PDGFC: variants seen among roughly 807,000 people sequenced by gnomAD.
PDGFC encodes the protein platelet derived growth factor C.
PDGFC carries 12 observed loss-of-function variants against 35.5 expected under a neutral mutation model. The observed-to-expected ratio is 0.34, with a 90% CI of 0.22 to 0.55. PDGFC has a LOEUF of 0.55. PDGFC is among the 20% of genes least tolerant of loss of function. The probability of loss-of-function intolerance (pLI) is 0.91; values close to 1 mark genes in which losing one functional copy is unlikely to be tolerated. For missense variants in PDGFC, 322 were observed against 412.4 expected (o/e 0.78, Z 1.90); for synonymous variants, 159 against 148.8 (o/e 1.07, Z -0.50).
chr4:156,885,143 G>GTATATGTGTGCATGTA (rs1226467304), intron 1 of PDGFC, among the ~76,000 whole-genome samples: 6 of 141,430 alleles, frequency 4.2e-5, no homozygotes, highest in African/African-American at 1.7e-4. Context: ...ACTTGTGCAT[G>GTATATGTGTGCATGTA]TATGTGCATA....
chr4:156,769,591 T>C (rs1298840067), intron 4 of PDGFC, among the ~76,000 whole-genome samples: 3 of 151,960 alleles, frequency 2.0e-5, no homozygotes, highest in Non-Finnish European at 4.4e-5. Flanking sequence ...AGTCATTGTT[T>C]CATTTGGCTA....
chr4:156,784,274 C>T (rs997102744), intron 3 of PDGFC, among the ~76,000 whole-genome samples: 1 of 152,162 alleles, frequency 6.6e-6, no homozygotes, highest in South Asian at 2.1e-4. Context: ...ACTGGATCAA[C>T]CAGCACTGGT....
chr4:156,901,870 C>T (rs1560864821), intron 1 of PDGFC, among the ~76,000 whole-genome samples: 1 of 152,084 alleles, frequency 6.6e-6, no homozygotes, highest in African/African-American at 2.4e-5. Flanking sequence ...CCTCGGCCTC[C>T]CAAAGTTCTG....
intron 1 of PDGFC, among the ~76,000 whole-genome samples, chr4:156,960,099 C>T (rs1284373183): frequency 2.0e-5 from 3 of 151,662 alleles, no homozygotes; most frequent in Non-Finnish European, 4.4e-5. Context: ...AATTAGGTAT[C>T]TCGACTCAGC....
intron 1 of PDGFC, among the ~76,000 whole-genome samples, chr4:156,881,184 A>T (rs1040323943): frequency 2.0e-5 from 3 of 152,206 alleles, no homozygotes; most frequent in African/African-American, 7.2e-5. Context: ...TTGAACAGTC[A>T]GCAGCCATTA....
chr4:156,875,745 C>A lies in PDGFC; in HGVS notation c.119-25329G>T, dbSNP rs367713800. The stretch of plus-strand genomic sequence containing the variant: ...ACAGACTGGCCAACATGGTGAAACC[C>A]CATCTCTAATAAAAATACAAAAATT... On this transcript the variant is annotated intron_variant, in intron 1 of 5. Transcript: ENST00000502773. 7.9e-5 allele frequency among the ~76,000 whole-genome samples: 12 copies of A among 152,144 alleles called. No individual in the cohort carries two copies. In the East Asian group the frequency reaches 1.6e-3, roughly 20 times the overall value.
intron 2 of PDGFC, among the ~76,000 whole-genome samples, chr4:156,839,594 C>T (rs1729149261): frequency 2.0e-5 from 3 of 152,162 alleles, no homozygotes; most frequent in East Asian, 1.9e-4. Flanking sequence ...TGTAAAGATA[C>T]CCAAATATGT....
At chr4:156,878,751 A>C (rs2111164342) in intron 1 of PDGFC, among the ~76,000 whole-genome samples, 1 of 152,224 alleles carries the variant, frequency 6.6e-6, no homozygotes, top group Admixed American at 6.5e-5. Flanking sequence ...GTCTAACATT[A>C]AAAAAACTTC....
intron 3 of PDGFC, chr4:156,774,565 G>A (rs1201225426): frequency 6.6e-6 from 1 of 152,062 alleles, no homozygotes; most frequent in Non-Finnish European, 1.5e-5. Flanking sequence ...GGCTTTGTGG[G>A]TGTCCCGCTG....
intron 1 of PDGFC, among the ~76,000 whole-genome samples, chr4:156,952,988 T>C (rs1172147960): frequency 1.3e-5 from 2 of 151,912 alleles, no homozygotes; most frequent in Non-Finnish European, 2.9e-5. Context: ...TGTCTTTTTA[T>C]GAAAACACCA....
chr4:156,904,431 C>T, intron 1 of PDGFC, among the ~76,000 whole-genome samples: 1 of 151,974 alleles, frequency 6.6e-6, no homozygotes, highest in African/African-American at 2.4e-5. Context: ...AAAATAACAC[C>T]TGGGAAGTGT....
At chr4:156,890,345 G>A (rs1255743976) in intron 1 of PDGFC, among the ~76,000 whole-genome samples, 1 of 152,046 alleles carries the variant, frequency 6.6e-6, no homozygotes, top group East Asian at 1.9e-4. Flanking sequence ...CTGAAAATGA[G>A]GATCCGCCCC....
At chr4:156,775,499 T>C (rs777748137) in intron 3 of PDGFC, among the ~76,000 whole-genome samples, 1 of 152,198 alleles carries the variant, frequency 6.6e-6, no homozygotes, top group Non-Finnish European at 1.5e-5. Context: ...TAGGGTAATT[T>C]CAATTAGACT....
intron 1 of PDGFC, among the ~76,000 whole-genome samples, chr4:156,949,303 AGGG>A (rs1285647198): frequency 7.9e-5 from 12 of 152,060 alleles, no homozygotes; most frequent in Non-Finnish European, 1.5e-4. Context: ...CTTCTGCCTA[AGGG>A]GGTGATCTCC....
chr4:156,777,123 AT>A (rs1460576774), intron 3 of PDGFC, among the ~76,000 whole-genome samples: 1 of 152,006 alleles, frequency 6.6e-6, no homozygotes, highest in Admixed American at 6.6e-5. Context: ...CAACTGTGGG[AT>A]AATTCTACAT....
chr4:156,829,167 T>A (rs1222315315), intron 2 of PDGFC, among the ~76,000 whole-genome samples: 1 of 152,210 alleles, frequency 6.6e-6, no homozygotes, highest in Non-Finnish European at 1.5e-5. Flanking sequence ...TATGATCTAC[T>A]AAGATCATCA....
intron 2 of PDGFC, among the ~76,000 whole-genome samples, chr4:156,825,590 T>G (rs5029752): frequency 0.24 from 17,933 of 73,608 alleles, 1,724 homozygotes; most frequent in South Asian, 0.28. Flanking sequence ...ATAATAATAA[T>G]AATAAGAAGA....
chr4:156,824,354 A>C (rs1429963059), intron 2 of PDGFC, among the ~76,000 whole-genome samples: 1 of 132,928 alleles, frequency 7.5e-6, no homozygotes, highest in East Asian at 2.1e-4. Flanking sequence ...ACACACATAT[A>C]CACACATATA....
chr4:156,944,982 A>G (rs566676886), intron 1 of PDGFC, among the ~76,000 whole-genome samples: 1 of 151,816 alleles, frequency 6.6e-6, no homozygotes, highest in East Asian at 2.0e-4. Flanking sequence ...CCATCTCTGC[A>G]AGATCTGTGC....
Sources: allele counts gnomAD v4.1 joint callset (sites outside exome capture counted in the v4.1 genomes callset), GRCh38; gene constraint gnomAD v4.1.1; transcripts MANE v1.5; gene names NCBI Gene and HGNC (gene_info 2026-07-23, HGNC 2026-07-21).